The following MAML2 variants were observed in gnomAD, a reference collection of about 807,000 sequenced individuals.
MAML2 encodes the protein mastermind like transcriptional coactivator 2.
Under a neutral mutation model 96.1 loss-of-function variants are expected in MAML2, and 22 were observed. The observed-to-expected ratio is 0.23, with a 90% CI of 0.16 to 0.33. The LOEUF (loss-of-function observed/expected upper bound fraction) is 0.33, where lower values mean the gene tolerates loss of function less well. Ranked by LOEUF, MAML2 falls within the 10% of genes least tolerant of loss-of-function variation. The probability of loss-of-function intolerance (pLI) is 1.00; values close to 1 mark genes in which losing one functional copy is unlikely to be tolerated. For synonymous variants in MAML2, 561 were observed against 521.3 expected (o/e 1.08, Z -1.04); for missense variants, 1,367 against 1,392.4 (o/e 0.98, Z 0.29).
At chr11:96,319,504 C>T (rs1863675060) in intron 1 of MAML2, among the ~76,000 whole-genome samples, 1 of 152,190 alleles carries the variant, frequency 6.6e-6, no homozygotes, top group Non-Finnish European at 1.5e-5. Context: ...AACAAAAAGT[C>T]ATGCCATCAG....
chr11:96,305,436 T>A (rs1863450176), intron 1 of MAML2, among the ~76,000 whole-genome samples: 1 of 152,152 alleles, frequency 6.6e-6, no homozygotes, highest in African/African-American at 2.4e-5. Flanking sequence ...TGGGGGTGAC[T>A]ATGCATGGAT....
intron 1 of MAML2, among the ~76,000 whole-genome samples, chr11:96,239,256 A>G (rs897840661): frequency 1.3e-5 from 2 of 152,178 alleles, no homozygotes; most frequent in African/African-American, 2.4e-5. Flanking sequence ...GAGACAGAAA[A>G]AGCTCTAGGT....
intron 2 of MAML2, among the ~76,000 whole-genome samples, chr11:96,064,363 T>A (rs887122403): frequency 1.3e-5 from 2 of 152,232 alleles, no homozygotes; most frequent in African/African-American, 4.8e-5. Context: ...CTAGAAAATA[T>A]TCATTAGACA....
intron 1 of MAML2, among the ~76,000 whole-genome samples, chr11:96,335,351 A>G (rs184917772): frequency 4.8e-4 from 73 of 152,366 alleles, no homozygotes; most frequent in African/African-American, 1.7e-3. Flanking sequence ...ACTGATTTAC[A>G]CATCAAGAGA....
intron 2 of MAML2, among the ~76,000 whole-genome samples, chr11:95,992,662 T>G (rs1857931139): frequency 6.6e-6 from 1 of 152,176 alleles, no homozygotes; most frequent in South Asian, 2.1e-4. Flanking sequence ...AAATGTAAAA[T>G]CAAATTTTAG....
chr11:96,276,598 T>C (rs1472617527), intron 1 of MAML2, among the ~76,000 whole-genome samples: 4 of 152,062 alleles, frequency 2.6e-5, no homozygotes, highest in African/African-American at 9.7e-5. Context: ...CAAAGAAGAT[T>C]TTATAATTGA....
At chr11:96,239,730 G>A (rs543992287) in intron 1 of MAML2, among the ~76,000 whole-genome samples, 3 of 152,304 alleles carry the variant, frequency 2.0e-5, no homozygotes, top group South Asian at 2.1e-4. Flanking sequence ...TAGCACCCAT[G>A]TCATAGAGCA....
At chr11:96,223,934 T>C (rs567045968) in intron 1 of MAML2, among the ~76,000 whole-genome samples, 27 of 152,348 alleles carry the variant, frequency 1.8e-4, no homozygotes, top group African/African-American at 6.3e-4. Flanking sequence ...ATAATCAGTT[T>C]CCCAAAGTAT....
chr11:96,056,511 TG>T (rs1166451622), intron 2 of MAML2, among the ~76,000 whole-genome samples: 2 of 152,166 alleles, frequency 1.3e-5, no homozygotes, highest in Non-Finnish European at 2.9e-5. Flanking sequence ...TGTAGCATCA[TG>T]CACATTCATG....
At chr11:96,107,171 C>T (rs1479958904) in intron 1 of MAML2, among the ~76,000 whole-genome samples, 1 of 151,912 alleles carries the variant, frequency 6.6e-6, no homozygotes, top group African/African-American at 2.4e-5. Flanking sequence ...TGCAGTCCCC[C>T]GGCAAGATTA....
Position 96,282,754 on chromosome 11 carries a change from C to A in MAML2, c.513+58629G>T, listed in dbSNP as rs116891026. On this transcript the variant is annotated intron_variant, in intron 1 of 4. Transcript: ENST00000524717. ...TTTATAATACAAGTTTAAATGACCTCAAAAAATTTGTACTACATTTCAGAG... is the reference window on the plus strand; with the variant it reads ...TTTATAATACAAGTTTAAATGACCTAAAAAAATTTGTACTACATTTCAGAG... 4.2e-3 allele frequency among the ~76,000 whole-genome samples: 634 copies of A among 152,272 alleles called. 14 individuals carry two copies. In the East Asian group the frequency reaches 0.044, roughly 11 times the overall value.
rs1259687034 is a variant in MAML2 at position 96,341,836 on chromosome 11, C to T, written c.60G>A (p.Ala20=). ...TGACTGAGCCCCCTCCAAGGAGCCC[C>T]GCCCCAGAGGCCCCCCCTAGCCCTC... The part of the protein sequence containing the change: ...PAGGLGGASG[A]GLLGGGSVTP... Residue 20 remains alanine (A), a synonymous_variant, in exon 1 of 5, where the codon GCG becomes GCA. Transcript: ENST00000524717. The T allele has an allele frequency of 5.1e-6, 8 of 1,575,936 alleles. No homozygotes were observed. The highest frequency in any genetic ancestry group is 1.7e-4 in the Middle Eastern group (1 of 6,022).
intron 1 of MAML2, among the ~76,000 whole-genome samples, chr11:96,153,161 A>ATT (rs71459787): frequency 2.9e-4 from 41 of 142,304 alleles, no homozygotes; most frequent in Non-Finnish European, 2.9e-4. Flanking sequence ...TGTTTTTAGA[A>ATT]TTTTTTTTTT....
At chr11:96,221,256 T>C (rs1249946007) in intron 1 of MAML2, among the ~76,000 whole-genome samples, 1 of 152,202 alleles carries the variant, frequency 6.6e-6, no homozygotes, top group African/African-American at 2.4e-5. Context: ...TTCCCACTGT[T>C]AACCACAGAG....
At chr11:96,307,217 A>T (rs1317134789) in intron 1 of MAML2, among the ~76,000 whole-genome samples, 2 of 152,182 alleles carry the variant, frequency 1.3e-5, no homozygotes, top group Non-Finnish European at 2.9e-5. Flanking sequence ...AAAGGATATC[A>T]TTGCAGCCAG....
intron 1 of MAML2, among the ~76,000 whole-genome samples, chr11:96,339,840 A>G (rs1277235515): frequency 6.6e-6 from 1 of 152,050 alleles, no homozygotes; most frequent in African/African-American, 2.4e-5. Flanking sequence ...TCACAAAACA[A>G]CCTCCCACTG....
chr11:96,151,701 C>T (rs1860926338), intron 1 of MAML2, among the ~76,000 whole-genome samples: 1 of 152,210 alleles, frequency 6.6e-6, no homozygotes, highest in Non-Finnish European at 1.5e-5. Context: ...AAGACACCCG[C>T]TCCTACTTTG....
intron 2 of MAML2, among the ~76,000 whole-genome samples, chr11:96,027,404 G>A (rs1223953662): frequency 6.6e-6 from 1 of 152,174 alleles, no homozygotes; most frequent in Non-Finnish European, 1.5e-5. Flanking sequence ...ATGTGGCCAG[G>A]CTGTGATTTC....
chr11:96,117,405 T>C (rs1166074474), intron 1 of MAML2, among the ~76,000 whole-genome samples: 1 of 151,990 alleles, frequency 6.6e-6, no homozygotes, highest in Non-Finnish European at 1.5e-5. Context: ...GAAAGATCCT[T>C]CCACCTCAGC....
Sources: gnomAD v4.1 joint callset for allele counts (sites outside exome capture counted in the v4.1 genomes callset) on GRCh38, gnomAD v4.1.1 for gene constraint, MANE v1.5 for transcripts, NCBI Gene and HGNC (gene_info 2026-07-23, HGNC 2026-07-21) for gene names.